Variants in MARCHF1 observed in about 807,000 individuals in gnomAD.
MARCHF1 encodes the protein E3 ubiquitin-protein ligase MARCHF1.
MARCHF1 carries 40 observed loss-of-function variants against 54.2 expected under a neutral mutation model. The observed-to-expected ratio is 0.74, with a 90% CI of 0.57 to 0.96. The LOEUF is 0.96. MARCHF1 is among the 40% of genes least tolerant of loss of function. MARCHF1 has a pLI of 0.00. For missense variants in MARCHF1, 586 were observed against 656.5 expected, an observed-to-expected ratio of 0.89 and a Z score of 1.17; for synonymous variants, 236 against 236.3, an observed-to-expected ratio of 1.00 and a Z score of 0.01.
chr4:164,252,772 A>C (rs368827974), intron 1 of MARCHF1, among the ~76,000 whole-genome samples: 37 of 152,276 alleles, frequency 2.4e-4, no homozygotes, highest in East Asian at 1.5e-3. Flanking sequence ...ATCTAACAAT[A>C]ATAAACATGA....
chr4:163,986,233 T>C (rs1194568135), intron 3 of MARCHF1, among the ~76,000 whole-genome samples: 11 of 146,128 alleles, frequency 7.5e-5, no homozygotes, highest in African/African-American at 2.5e-4. Flanking sequence ...TTTCCTTTTC[T>C]CCTAATTAAC....
chr4:164,168,364 A>G (rs1730434485), intron 1 of MARCHF1, among the ~76,000 whole-genome samples: 2 of 151,980 alleles, frequency 1.3e-5, no homozygotes, highest in Admixed American at 1.3e-4. Flanking sequence ...AAACAGAGCT[A>G]CCATACAACC....
intron 5 of MARCHF1, among the ~76,000 whole-genome samples, chr4:163,646,263 T>C (rs537485692): frequency 3.8e-4 from 57 of 149,752 alleles, no homozygotes; most frequent in South Asian, 1.0e-3. Context: ...CCCAGAAACC[T>C]GGCAACCAAG....
At chr4:164,032,800 A>G (rs1373374335) in intron 2 of MARCHF1, among the ~76,000 whole-genome samples, 1 of 152,030 alleles carries the variant, frequency 6.6e-6, no homozygotes, top group Non-Finnish European at 1.5e-5. Context: ...GAGAGGATTA[A>G]CTACCTTAAA....
intron 2 of MARCHF1, among the ~76,000 whole-genome samples, chr4:164,079,583 ATAACTTC>A (rs1218987412): frequency 3.3e-5 from 5 of 152,198 alleles, no homozygotes; most frequent in East Asian, 1.9e-4. Flanking sequence ...AAGGACTTAT[ATAACTTC>A]TAACTTCTAA....
At chr4:163,623,985 C>G (rs1208199849) in intron 5 of MARCHF1, among the ~76,000 whole-genome samples, 1 of 152,104 alleles carries the variant, frequency 6.6e-6, no homozygotes, top group Non-Finnish European at 1.5e-5. Context: ...CCAGGCATAC[C>G]TTTGCTGTTG....
At chr4:164,364,073 T>C (rs1385502373) in intron 1 of MARCHF1, among the ~76,000 whole-genome samples, 2 of 152,060 alleles carry the variant, frequency 1.3e-5, no homozygotes, top group Non-Finnish European at 2.9e-5. Flanking sequence ...AATTAGGAAA[T>C]GTAGCAGCCT....
chr4:164,199,448 C>A (rs1428751871), intron 1 of MARCHF1, among the ~76,000 whole-genome samples: 1 of 152,026 alleles, frequency 6.6e-6, no homozygotes, highest in East Asian at 1.9e-4. Flanking sequence ...TCAAGACCAG[C>A]CTGGCCAACA....
intron 3 of MARCHF1, among the ~76,000 whole-genome samples, chr4:163,972,700 C>A (rs1752570805): frequency 6.9e-6 from 1 of 145,820 alleles, no homozygotes; most frequent in African/African-American, 2.5e-5. Context: ...GCGCCCGCCA[C>A]CATGGCCGGC....
rs1733826760 is a variant in MARCHF1 at position 164,274,659 on chromosome 4, C to CTTCTTTTTTTTTTTTTTTTTTTTT, written c.-323+109210_-323+109211insAAAAAAAAAAAAAAAAAAAAAGAA. Among the ~76,000 whole-genome samples, 4 of 44,658 alleles carry CTTCTTTTTTTTTTTTTTTTTTTTT rather than the reference C, an allele frequency of 9.0e-5. 1 individual carries two copies. Among genetic ancestry groups the CTTCTTTTTTTTTTTTTTTTTTTTT allele is most frequent in the African/African-American group, 2.2e-4 (3 of 13,418 alleles). 29.3% of individuals were successfully genotyped at this position (44,658 alleles called of 152,430 possible). A position where few individuals can be genotyped will look rare whatever the true frequency, so the allele number is the denominator to read the frequency against. On this transcript the variant is annotated intron_variant, in intron 1 of 9. Coordinates refer to ENST00000514618, the MANE Select transcript of MARCHF1 (RefSeq NM_001394959.1). Reference sequence around the variant, plus strand: ...CGCTTGATGTGTGCTTCAGGGTACACTTTTTTTTTTTTTTTTTTTTTTTTT... The same window carrying CTTCTTTTTTTTTTTTTTTTTTTTT: ...CGCTTGATGTGTGCTTCAGGGTACACTTCTTTTTTTTTTTTTTTTTTTTTTTTTTTTTTTTTTTTTTTTTTTTTT...
chr4:163,816,270 A>T (rs1302301882), intron 4 of MARCHF1, among the ~76,000 whole-genome samples: 2 of 152,192 alleles, frequency 1.3e-5, no homozygotes, highest in Non-Finnish European at 2.9e-5. Context: ...TCAGGAGATT[A>T]CTTTTCATAC....
At chr4:163,959,472 G>T (rs1752301732) in intron 3 of MARCHF1, among the ~76,000 whole-genome samples, 1 of 151,838 alleles carries the variant, frequency 6.6e-6, no homozygotes, top group African/African-American at 2.4e-5. Context: ...CAAGCACATA[G>T]ACCAATGGAA....
chr4:163,845,512 C>T (rs1387178849), intron 4 of MARCHF1, among the ~76,000 whole-genome samples: 2 of 151,008 alleles, frequency 1.3e-5, no homozygotes, highest in African/African-American at 4.9e-5. Context: ...CACGTAAGGC[C>T]TCTCCTATTT....
At chr4:164,199,761 G>A (rs1363227441) in intron 1 of MARCHF1, among the ~76,000 whole-genome samples, 2 of 151,474 alleles carry the variant, frequency 1.3e-5, no homozygotes, top group African/African-American at 2.4e-5. Flanking sequence ...AAATTTCTAA[G>A]GTGTAGATAT....
At chr4:163,549,047 A>G (rs1024203597) in intron 8 of MARCHF1, among the ~76,000 whole-genome samples, 1 of 152,202 alleles carries the variant, frequency 6.6e-6, no homozygotes, top group African/African-American at 2.4e-5. Context: ...TATTGTTACC[A>G]TGGTTACACC....
chr4:164,066,545 G>A (rs1051557233), intron 2 of MARCHF1, among the ~76,000 whole-genome samples: 4 of 152,172 alleles, frequency 2.6e-5, no homozygotes, highest in East Asian at 1.9e-4. Context: ...ACAAATAATT[G>A]TATTATAAAG....
At chr4:164,099,239 G>A (rs1228679335) in intron 2 of MARCHF1, among the ~76,000 whole-genome samples, 2 of 152,178 alleles carry the variant, frequency 1.3e-5, no homozygotes, top group Non-Finnish European at 2.9e-5. Context: ...TATTTCAGCA[G>A]ATTGATATTT....
At position 163,530,904 on chromosome 4, in the gene MARCHF1, C is replaced by A. The variant is rs747241341; in HGVS notation, c.1340-1858G>T. 5.9e-5 allele frequency among the ~76,000 whole-genome samples: 9 copies of A among 151,876 alleles called. No homozygotes were observed. The South Asian group carries it at 8.3e-4, about 14-fold the overall frequency. ...AAAATATCATTGGCCAAAGCTCACA[C>A]AGGAGAAATAAGAGATCATTACAGT... is the stretch of plus-strand genomic sequence containing the variant. On this transcript the variant is annotated intron_variant, in intron 9 of 9. Transcript: ENST00000514618.
intron 1 of MARCHF1, among the ~76,000 whole-genome samples, chr4:164,140,482 T>C (rs1219576811): frequency 6.6e-6 from 1 of 152,000 alleles, no homozygotes; most frequent in Non-Finnish European, 1.5e-5. Context: ...CACCCACAGA[T>C]TACCTAAAGA....
Sources: allele counts gnomAD v4.1 joint callset (sites outside exome capture counted in the v4.1 genomes callset), GRCh38; gene constraint gnomAD v4.1.1; transcripts MANE v1.5; gene names NCBI Gene and HGNC (gene_info 2026-07-23, HGNC 2026-07-21).